The following GRIN3A variants were observed in gnomAD, a reference collection of about 807,000 sequenced individuals.
The protein encoded by GRIN3A is glutamate receptor ionotropic, NMDA 3A.
Under a neutral mutation model 92.4 loss-of-function variants are expected in GRIN3A, and 47 were observed. That is an observed-to-expected ratio of 0.51 (90% CI 0.40 to 0.65). The LOEUF is 0.65. Ranked by LOEUF, GRIN3A falls within the 30% of genes least tolerant of loss-of-function variation. The probability of loss-of-function intolerance (pLI) is 0.00; values close to 1 mark genes in which losing one functional copy is unlikely to be tolerated. For missense variants in GRIN3A, 1,324 were observed against 1,393.1 expected (o/e 0.95, Z 0.79); for synonymous variants, 527 against 540.6 (o/e 0.97, Z 0.35).
At chr9:101,708,397 A>G (rs1829836886) in intron 1 of GRIN3A, among the ~76,000 whole-genome samples, 1 of 152,222 alleles carries the variant, frequency 6.6e-6, no homozygotes, top group Non-Finnish European at 1.5e-5. Context: ...CTTTATAGAT[A>G]AAGCCAATTA....
At chr9:101,636,586 T>C (rs916684547) in intron 3 of GRIN3A, among the ~76,000 whole-genome samples, 2 of 152,222 alleles carry the variant, frequency 1.3e-5, no homozygotes, top group African/African-American at 4.8e-5. Flanking sequence ...TTACCTCTAG[T>C]ATATATTGTT....
At chr9:101,723,127 G>A (rs1295665447) in intron 1 of GRIN3A, among the ~76,000 whole-genome samples, 1 of 152,192 alleles carries the variant, frequency 6.6e-6, no homozygotes, top group Non-Finnish European at 1.5e-5. Context: ...TGATAGTAAT[G>A]TGTCCAGAAT....
chr9:101,733,488 G>A (rs931382876), intron 1 of GRIN3A, among the ~76,000 whole-genome samples: 4 of 152,134 alleles, frequency 2.6e-5, no homozygotes, highest in South Asian at 2.1e-4. Flanking sequence ...AATTAGATGC[G>A]ACTATCAGCT....
intron 1 of GRIN3A, among the ~76,000 whole-genome samples, chr9:101,711,305 C>A (rs1352740488): frequency 6.6e-6 from 1 of 152,150 alleles, no homozygotes; most frequent in Non-Finnish European, 1.5e-5. Context: ...GTGCATACAG[C>A]CCGGATTCAC....
chr9:101,703,071 C>A (rs1477236274), intron 1 of GRIN3A, among the ~76,000 whole-genome samples: 1 of 152,164 alleles, frequency 6.6e-6, no homozygotes, highest in Non-Finnish European at 1.5e-5. Context: ...TCCACCACTG[C>A]CTATTCAGTA....
intron 1 of GRIN3A, among the ~76,000 whole-genome samples, chr9:101,719,560 T>C (rs1829986829): frequency 6.6e-6 from 1 of 152,144 alleles, no homozygotes. Flanking sequence ...TACTGATTTA[T>C]TACTGATCTC....
At chr9:101,702,130 T>C (rs1301827374) in intron 1 of GRIN3A, among the ~76,000 whole-genome samples, 1 of 152,096 alleles carries the variant, frequency 6.6e-6, no homozygotes, top group Admixed American at 6.6e-5. Flanking sequence ...GGTGAAGCTC[T>C]GTCTCTACTA....
intron 3 of GRIN3A, among the ~76,000 whole-genome samples, chr9:101,631,657 T>G (rs1265390822): frequency 2.0e-5 from 3 of 152,184 alleles, no homozygotes; most frequent in Admixed American, 2.0e-4. Context: ...GACTTTCTGT[T>G]GTATTTGCTC....
chr9:101,574,279 A>G (rs1827799256), intron 8 of GRIN3A, among the ~76,000 whole-genome samples: 1 of 152,224 alleles, frequency 6.6e-6, no homozygotes. Context: ...TCACAGGGGA[A>G]GGCTGATCCT....
intron 1 of GRIN3A, among the ~76,000 whole-genome samples, chr9:101,711,275 T>C (rs188433864): frequency 6.6e-6 from 1 of 152,286 alleles, no homozygotes; most frequent in Admixed American, 6.5e-5. Context: ...CAGATGATGC[T>C]GATAACCAAC....
chr9:101,575,231 T>C (rs1392071863), intron 8 of GRIN3A, among the ~76,000 whole-genome samples: 1 of 152,198 alleles, frequency 6.6e-6, no homozygotes, highest in African/African-American at 2.4e-5. Flanking sequence ...TTTTCTTGTA[T>C]CCTGGGCTGG....
Position 101,613,566 on chromosome 9 carries a change from C to T in GRIN3A, c.2615-39G>A, listed in dbSNP as rs1184677521. 6 of 1,604,232 alleles carry T rather than the reference C, an allele frequency of 3.7e-6. No homozygotes were observed. The Admixed American group carries it at 5.1e-5, about 14-fold the overall frequency. On this transcript the variant is annotated intron_variant, in intron 5 of 8. Transcript: ENST00000361820. ...CAATCTCAGATGAGTTTTTTACACC[C>T]TTCCTGAGAGATTGCCACCACAGTA...
At chr9:101,650,366 T>C (rs1043688912) in intron 3 of GRIN3A, among the ~76,000 whole-genome samples, 7 of 152,032 alleles carry the variant, frequency 4.6e-5, no homozygotes, top group Non-Finnish European at 7.4e-5. Flanking sequence ...TTAGCAAACA[T>C]GTTCTAAGCA....
chr9:101,722,552 G>A (rs907472058), intron 1 of GRIN3A, among the ~76,000 whole-genome samples: 2 of 152,192 alleles, frequency 1.3e-5, no homozygotes, highest in Non-Finnish European at 2.9e-5. Flanking sequence ...AAAGCAGCTG[G>A]GAGGGAGGCT....
intron 8 of GRIN3A, among the ~76,000 whole-genome samples, chr9:101,574,922 AC>A (rs1224850013): frequency 2.0e-5 from 3 of 152,152 alleles, no homozygotes; most frequent in African/African-American, 7.2e-5. Flanking sequence ...GCCATCATAG[AC>A]CAGACAGCCC....
intron 6 of GRIN3A, among the ~76,000 whole-genome samples, chr9:101,605,114 AT>A (rs1309288714): frequency 1.3e-5 from 2 of 152,228 alleles, no homozygotes; most frequent in Non-Finnish European, 2.9e-5. Flanking sequence ...TAGGCCAGGA[AT>A]CCTCTTAAAC....
At chr9:101,726,633 A>G (rs1830084717) in intron 1 of GRIN3A, among the ~76,000 whole-genome samples, 1 of 152,028 alleles carries the variant, frequency 6.6e-6, no homozygotes, top group Admixed American at 6.6e-5. Context: ...TCCAATATAG[A>G]AGTCACTACC....
rs903235875 is a variant in GRIN3A, at chr9:101,737,914, T to G, written c.66A>C (p.Ala22=). The G allele has an allele frequency of 4.9e-5, 76 of 1,536,040 alleles. No homozygotes were observed. Among genetic ancestry groups the G allele is most frequent in the Non-Finnish European group, 6.3e-5 (72 of 1,147,542 alleles). ...AGCTGGGCACCCCGGCCAGCACCAG[T>G]GCGCAGGGCGGCGGCAACAGCAGAC... ...RVCLLLPPPC[A]LVLAGVPSSS... The change falls in exon 1 of 9, where the codon GCA becomes GCC. Residue 22 remains alanine, a synonymous_variant. Transcript: ENST00000361820.
intron 3 of GRIN3A, among the ~76,000 whole-genome samples, chr9:101,661,558 T>A (rs1829172259): frequency 6.6e-6 from 1 of 151,896 alleles, no homozygotes; most frequent in Admixed American, 6.6e-5. Flanking sequence ...TTCAATATCA[T>A]TTCTTCAGGC....
Sources: allele counts gnomAD v4.1 joint callset (sites outside exome capture counted in the v4.1 genomes callset), GRCh38; gene constraint gnomAD v4.1.1; transcripts MANE v1.5; gene names NCBI Gene and HGNC (gene_info 2026-07-23, HGNC 2026-07-21).